Variants in ADH5 observed in about 807,000 individuals in gnomAD.
ADH5 encodes alcohol dehydrogenase 5 (class III), chi polypeptide.
In ADH5, 32 loss-of-function variants were observed where a neutral mutation model predicts 40.3. The observed-to-expected ratio is 0.79, with a 90% CI of 0.60 to 1.07. ADH5 has a LOEUF of 1.07. Among genes scored for constraint, ADH5 ranks in the 50% least tolerant of loss-of-function variants. The probability of loss-of-function intolerance (pLI) is 0.00; values close to 1 mark genes in which losing one functional copy is unlikely to be tolerated. For synonymous variants in ADH5, 125 were observed against 154.3 expected, an observed-to-expected ratio of 0.81 and a Z score of 1.41; for missense variants, 353 against 460.5, an observed-to-expected ratio of 0.77 and a Z score of 2.14.
Position 99,088,727 on chromosome 4 carries a change from G to T in ADH5, c.-27C>A, listed in dbSNP as rs374663436. ...TTCACGGATTCTGGTCGGCGCGGGG[G>T]GCTGACATCCGGGGTGGGCCGCGCA... On this transcript the variant is annotated 5_prime_UTR_variant, in exon 1 of 9. Transcript: ENST00000296412. 1.6e-5 allele frequency: 25 copies of T among 1,603,214 alleles called. No individual in the cohort carries two copies. In the African/African-American group the frequency reaches 2.7e-4, roughly 17 times the overall value.
rs1425380309 is a variant in ADH5, at chr4:99,076,345, T to A, written c.772A>T (p.Thr258Ser). The A allele has an allele frequency of 1.2e-6, 2 of 1,614,016 alleles. No homozygotes were observed. Among genetic ancestry groups the A allele is most frequent in the African/African-American group, 1.3e-5 (1 of 74,916 alleles). Residue 258 changes from threonine to serine, a missense_variant, in exon 6 of 9, where the codon ACC becomes TCC. Coordinates refer to ENST00000296412, the MANE Select transcript of ADH5 (RefSeq NM_000671.4). ...KPIQEVLIEM[T>S]DGGVDYSFEC... ...AAGGAATAGTCCACTCCTCCATCGGTCATCTCAATGAGCACTTCCTGGATG... is the reference window on the plus strand; with the variant it reads ...AAGGAATAGTCCACTCCTCCATCGGACATCTCAATGAGCACTTCCTGGATG...
At chr4:99,081,545 T>C (rs1043338857) in intron 3 of ADH5, 93 bp from the exon 4 acceptor site, 17 of 913,580 alleles carry the variant, frequency 1.9e-5, no homozygotes, top group Middle Eastern at 2.2e-4. Context: ...GGATGTGGCT[T>C]TGCAAAGTTA....
intron 4 of ADH5, among the ~76,000 whole-genome samples, chr4:99,078,204 G>T (rs543042899): frequency 1.3e-5 from 2 of 151,986 alleles, no homozygotes; most frequent in Non-Finnish European, 2.9e-5. Flanking sequence ...GTACTACAGG[G>T]GCATAGAGAC....
rs766947367 is a variant in ADH5, at chr4:99,081,446, G to A, written c.263C>T (p.Thr88Ile). The change falls in exon 4 of 9, where the codon ACT (threonine) becomes ATT (isoleucine). Residue 88 changes from threonine (T) to isoleucine (I), a missense_variant. Physicochemically the swap from Thr to Ile is moderately conservative, Grantham distance 89 (BLOSUM62 -1). Transcript: ENST00000296412. ...EGVTKLKAGDTVIPLYIPQCG... is the reference protein window; with the variant it reads ...EGVTKLKAGDIVIPLYIPQCG... Reference sequence around the variant, plus strand: ...CTGTGGGATGTAAAGTGGGATGACAGTGTCACCTGGAAACAAATGCAAAGA... The same window carrying A: ...CTGTGGGATGTAAAGTGGGATGACAATGTCACCTGGAAACAAATGCAAAGA... 2 of 1,606,182 alleles carry A rather than the reference G, an allele frequency of 1.2e-6. No individual in the cohort carries two copies. The highest frequency in any genetic ancestry group is 2.2e-5 in the South Asian group (2 of 89,310).
At position 99,085,228 on chromosome 4, in the gene ADH5, A is replaced by G; in HGVS notation, c.13-12T>C. ...TTGCACTTGATAACCTGAAGTGGGG[A>G]AAAAAGGGAATAAGCTGTTTATCCT... On this transcript the variant is annotated splice_polypyrimidine_tract_variant and intron_variant, in intron 1 of 8. Transcript: ENST00000296412. 2.1e-6 allele frequency: 3 copies of G among 1,421,216 alleles called. No individual in the cohort carries two copies. The highest frequency in any genetic ancestry group is 2.8e-6 in the Non-Finnish European group (3 of 1,065,994). 88.0% of individuals were successfully genotyped at this position (1,421,216 alleles called of 1,614,324 possible).
At position 99,085,101 on chromosome 4, in the gene ADH5, A is replaced by T. The variant is rs1032130889; in HGVS notation, c.114+14T>A. 1 of 1,421,610 alleles carries T rather than the reference A, an allele frequency of 7.0e-7. No homozygotes were observed. The highest frequency in any genetic ancestry group is 9.4e-7 in the Non-Finnish European group (1 of 1,065,076). The allele number at this position is 1,421,610 out of a possible 1,614,324, so 88.1% of individuals were successfully genotyped here. On this transcript the variant is annotated intron_variant, in intron 2 of 8. Coordinates refer to ENST00000296412, the MANE Select transcript of ADH5 (RefSeq NM_000671.4). ...GTGTCTCTTTTTTTCCCAGTGCCTT[A>T]AATGTATCATTACCTTGATTCGAAC...
chr4:99,081,608 G>A, intron 3 of ADH5, 156 bp from the exon 4 acceptor site: 1 of 604,022 alleles, frequency 1.7e-6, no homozygotes, highest in Non-Finnish European at 3.0e-6. Flanking sequence ...GATACTGTCT[G>A]ACCATGCAAA....
intron 1 of ADH5, among the ~76,000 whole-genome samples, 157 bp downstream of exon 1, chr4:99,088,532 T>A (rs181574555): frequency 2.0e-5 from 3 of 150,750 alleles, no homozygotes; most frequent in African/African-American, 7.3e-5. Context: ...CTTCTCTTTC[T>A]GCCCCTCTGA....
Position 99,072,113 on chromosome 4 carries a change from C to T in ADH5, c.*304G>A. 3.4e-6 allele frequency: 1 copy of T among 292,840 alleles called. No homozygotes were observed. 18.1% of individuals were successfully genotyped at this position (292,840 alleles called of 1,614,324 possible). On this transcript the variant is annotated 3_prime_UTR_variant, in exon 9 of 9. Coordinates refer to ENST00000296412, the MANE Select transcript of ADH5 (RefSeq NM_000671.4). ...AGAATGAAGATAATGGGCAGACAAA[C>T]CGTGACAATGATGACAGCATAAAAC...
chr4:99,085,326 T>G (rs1728112927), intron 1 of ADH5, 110 bp from the exon 2 acceptor site: 2 of 455,372 alleles, frequency 4.4e-6, no homozygotes, highest in East Asian at 3.5e-5. Flanking sequence ...TATCACAGAT[T>G]CACAAAGAAA....
At chr4:99,079,250 C>G (rs756917683) in intron 4 of ADH5, among the ~76,000 whole-genome samples, 1 of 152,180 alleles carries the variant, frequency 6.6e-6, no homozygotes, top group Non-Finnish European at 1.5e-5. Flanking sequence ...TGGGAGTAAT[C>G]TAAATGTCCA....
chr4:99,074,692 CTA>C (rs1301710575), intron 7 of ADH5, among the ~76,000 whole-genome samples: 1 of 48,822 alleles, frequency 2.0e-5, no homozygotes, highest in Non-Finnish European at 3.8e-5. Flanking sequence ...CCAAGTGGTC[CTA>C]TGTTTCAGGT....
rs776914462 is a variant in ADH5, at chr4:99,071,387, TAC to T, written c.*1028_*1029del. ...AGCCCAATGCAGAAGAATGTTCCAC[TAC>T]AGTGTTATAATACAGAAACTGGCAA... On this transcript the variant is annotated 3_prime_UTR_variant, in exon 9 of 9. Transcript: ENST00000296412. 7.9e-5 allele frequency: 12 copies of T among 152,234 alleles called. No individual in the cohort carries two copies. Among genetic ancestry groups the T allele is most frequent in the Non-Finnish European group, 1.6e-4 (11 of 68,040 alleles). 9.4% of individuals were successfully genotyped at this position (152,234 alleles called of 1,614,324 possible).
chr4:99,076,744 C>A lies in ADH5; in HGVS notation c.524G>T (p.Gly175Val). The A allele has an allele frequency of 1.9e-6, 3 of 1,614,002 alleles. No homozygotes were observed. The highest frequency in any genetic ancestry group is 1.7e-5 in the Admixed American group (1 of 60,016). The change falls in exon 5 of 9, where the codon GGC becomes GTC. Residue 175 changes from glycine to valine, a missense_variant. By Grantham distance (109) the Gly-to-Val change is moderately radical. Coordinates refer to ENST00000296412, the MANE Select transcript of ADH5 (RefSeq NM_000671.4). ...AGCAGCACCATAACCGGTTGAAATGCCACAACCTAGAAGGCAGACTTTATC... is the reference window on the plus strand; with the variant it reads ...AGCAGCACCATAACCGGTTGAAATGACACAACCTAGAAGGCAGACTTTATC... ...PLDKVCLLGC[G>V]ISTGYGAAVN...
At chr4:99,087,211 C>T (rs1192164103) in intron 1 of ADH5, among the ~76,000 whole-genome samples, 1 of 151,998 alleles carries the variant, frequency 6.6e-6, no homozygotes, top group African/African-American at 2.4e-5. Context: ...TGGCGAAACC[C>T]CGTCTCTACT....
intron 7 of ADH5, among the ~76,000 whole-genome samples, chr4:99,073,612 C>T (rs1187389986): frequency 1.3e-5 from 2 of 152,212 alleles, no homozygotes; most frequent in Non-Finnish European, 2.9e-5. Flanking sequence ...TGAGCCTTTT[C>T]CAAATCTCCT....
Position 99,075,123 on chromosome 4 carries a change from T to C in ADH5, c.826-74A>G. 3 of 1,326,046 alleles carry C rather than the reference T, an allele frequency of 2.3e-6. No homozygotes were observed. In the South Asian group the frequency reaches 6.3e-5, roughly 28 times the overall value. 82.1% of individuals were successfully genotyped at this position (1,326,046 alleles called of 1,614,324 possible). On this transcript the variant is annotated intron_variant, in intron 6 of 8. Coordinates refer to ENST00000296412, the MANE Select transcript of ADH5 (RefSeq NM_000671.4). ...TGAGAACAACTGCTGGCGAAACTTC[T>C]AGAGATGGCATAGTTTTTAAAGATA...
chr4:99,072,682 A>G lies in ADH5; in HGVS notation c.991T>C (p.Leu331=), dbSNP rs28730643. The part of the protein sequence containing the change: ...GWKSVESVPK[L]VSEYMSKKIK... ...TTTTTGGACATATATTCAGACACCA[A>G]CTTTGGGACACTTTCTACACTCTTC... is the stretch of plus-strand genomic sequence containing the variant. The change falls in exon 8 of 9, where the codon TTG becomes CTG. Residue 331 remains leucine, a synonymous_variant. Transcript: ENST00000296412. 66,767 of 1,611,968 alleles carry G rather than the reference A, an allele frequency of 0.041. 1,923 individuals carry two copies. The highest frequency in any genetic ancestry group is 0.14 in the African/African-American group (10,548 of 74,872).
chr4:99,086,710 C>G (rs1252966941), intron 1 of ADH5, among the ~76,000 whole-genome samples: 1 of 151,652 alleles, frequency 6.6e-6, no homozygotes, highest in Admixed American at 6.6e-5. Flanking sequence ...TTTGGGAGGC[C>G]GAGGCGGGCG....
Sources: allele counts gnomAD v4.1 joint callset (sites outside exome capture counted in the v4.1 genomes callset), GRCh38; gene constraint gnomAD v4.1.1; transcripts MANE v1.5; gene names NCBI Gene and HGNC (gene_info 2026-07-23, HGNC 2026-07-21).